ARHGAP26: variants seen among roughly 807,000 people sequenced by gnomAD.
ARHGAP26 encodes rho GTPase-activating protein 26.
In ARHGAP26, 38 loss-of-function variants were observed where a neutral mutation model predicts 104.8. The observed-to-expected ratio is 0.36, with a 90% CI of 0.28 to 0.48. ARHGAP26 has a LOEUF of 0.48. Ranked by LOEUF, ARHGAP26 falls within the 20% of genes least tolerant of loss-of-function variation. The pLI is 0.99. For missense variants in ARHGAP26, 704 were observed against 947.9 expected (o/e 0.74, Z 3.38); for synonymous variants, 341 against 340.0 (o/e 1.00, Z -0.03).
chr5:142,980,225 C>T (rs1038598859), intron 11 of ARHGAP26, among the ~76,000 whole-genome samples: 5 of 152,168 alleles, frequency 3.3e-5, no homozygotes, highest in African/African-American at 1.2e-4. Context: ...TTCCATGTAG[C>T]AGTAGTTTGT....
chr5:143,021,845 G>A (rs1780381397), intron 12 of ARHGAP26, among the ~76,000 whole-genome samples: 1 of 152,170 alleles, frequency 6.6e-6, no homozygotes, highest in Admixed American at 6.5e-5. Context: ...TGGTAACACT[G>A]CTCTTGAAGG....
chr5:142,797,155 C>T (rs950967816), intron 1 of ARHGAP26, among the ~76,000 whole-genome samples: 1 of 152,114 alleles, frequency 6.6e-6, no homozygotes, highest in Non-Finnish European at 1.5e-5. Context: ...CTAAATAGCC[C>T]GGATATACCT....
rs190565752 is a variant in ARHGAP26 at position 143,012,294 on chromosome 5, C to T, written c.1108-1786C>T. Among the ~76,000 whole-genome samples the T allele has an allele frequency of 2.1e-3, 316 of 151,108 alleles. 1 individual carries two copies. Among genetic ancestry groups the T allele is most frequent in the African/African-American group, 6.4e-3 (263 of 41,178 alleles). On this transcript the variant is annotated intron_variant, in intron 11 of 22. Transcript: ENST00000645722. The stretch of plus-strand genomic sequence containing the variant: ...TTGATAATTCAAAGACCTTCTTGGG[C>T]GACTCCTTCAGTTTATGGATGAGGC...
chr5:142,924,408 G>A (rs1205936621), intron 10 of ARHGAP26, among the ~76,000 whole-genome samples: 1 of 152,214 alleles, frequency 6.6e-6, no homozygotes, highest in African/African-American at 2.4e-5. Flanking sequence ...GCACTTACTA[G>A]TGGTGTGACA....
intron 19 of ARHGAP26, among the ~76,000 whole-genome samples, chr5:143,146,081 C>T (rs1799121939): frequency 6.6e-6 from 1 of 152,178 alleles, no homozygotes; most frequent in East Asian, 1.9e-4. Flanking sequence ...CAAAAAGGTC[C>T]AGGATTAGCC....
intron 1 of ARHGAP26, among the ~76,000 whole-genome samples, chr5:142,801,597 A>G (rs1206716984): frequency 6.6e-6 from 1 of 151,940 alleles, no homozygotes; most frequent in Non-Finnish European, 1.5e-5. Context: ...GCTAAGGTGT[A>G]AGATTTAGTA....
At chr5:142,808,642 G>T (rs1763499270) in intron 1 of ARHGAP26, among the ~76,000 whole-genome samples, 2 of 152,068 alleles carry the variant, frequency 1.3e-5, no homozygotes, top group Admixed American at 1.3e-4. Flanking sequence ...TGTGGAGCAG[G>T]CTGGACATTG....
In ARHGAP26 at chr5:142,883,783, C is replaced by T. The variant is rs148962481; in HGVS notation, c.385-1515C>T. On this transcript the variant is annotated intron_variant, in intron 4 of 22. Transcript: ENST00000645722. Reference sequence around the variant, plus strand: ...CCTATCTACAGAATCTCTGTGACTGCGCCCTGTTTATTTCCTTTGTAGCAC... The same window carrying T: ...CCTATCTACAGAATCTCTGTGACTGTGCCCTGTTTATTTCCTTTGTAGCAC... Among the ~76,000 whole-genome samples the T allele has an allele frequency of 7.1e-4, 108 of 152,300 alleles. 2 individuals are homozygous for T. Among genetic ancestry groups the T allele is most frequent in the African/African-American group, 2.2e-3 (92 of 41,568 alleles).
At chr5:143,106,975 C>G (rs569974461) in intron 17 of ARHGAP26, among the ~76,000 whole-genome samples, 1 of 152,294 alleles carries the variant, frequency 6.6e-6, no homozygotes, top group South Asian at 2.1e-4. Flanking sequence ...TAAGTTGGTC[C>G]TCTTAGGTTT....
At chr5:142,963,188 A>ATATATACATATATATATATATATATG (rs1770645943) in intron 11 of ARHGAP26, among the ~76,000 whole-genome samples, 1 of 109,782 alleles carries the variant, frequency 9.1e-6, no homozygotes, top group African/African-American at 5.1e-5. Flanking sequence ...ATATATATAT[A>ATATATACATATATATATATATATATG]TATATATATA....
At chr5:143,013,341 T>A (rs1358072808) in intron 11 of ARHGAP26, among the ~76,000 whole-genome samples, 3 of 152,212 alleles carry the variant, frequency 2.0e-5, no homozygotes, top group Non-Finnish European at 2.9e-5. Flanking sequence ...GCATAAAATG[T>A]TAATGTCTGA....
At chr5:143,185,258 A>C (rs258775) in intron 20 of ARHGAP26, among the ~76,000 whole-genome samples, 24,717 of 152,172 alleles carry the variant, frequency 0.16, 2,340 homozygotes, top group East Asian at 0.41. Flanking sequence ...TACACAAAGA[A>C]AGGTTCTAAA....
Position 143,223,282 on chromosome 5 carries a change from C to G in ARHGAP26, c.*836C>G, listed in dbSNP as rs1201540688. ...TGAATGGTTTTCTAACAACTTGAAG[C>G]ACAGGATCAAGGAATTAGGGTGGTC... On this transcript the variant is annotated 3_prime_UTR_variant, in exon 23 of 23. Coordinates refer to ENST00000645722, the MANE Select transcript of ARHGAP26 (RefSeq NM_001135608.3). 1 of 232,866 alleles carries G rather than the reference C, an allele frequency of 4.3e-6. No homozygotes were observed. The highest frequency in any genetic ancestry group is 2.2e-5 in the African/African-American group (1 of 45,282). 14.4% of individuals were successfully genotyped at this position (232,866 alleles called of 1,614,324 possible). A position where few individuals can be genotyped will look rare whatever the true frequency, so the allele number is the denominator to read the frequency against.
At chr5:143,029,570 A>C (rs1020809125) in intron 12 of ARHGAP26, among the ~76,000 whole-genome samples, 2 of 146,544 alleles carry the variant, frequency 1.4e-5, no homozygotes, top group East Asian at 1.9e-4. Flanking sequence ...ATGCCCAGCA[A>C]ATTTTTTTTT....
intron 20 of ARHGAP26, chr5:143,168,851 A>G (rs1318924004): frequency 3.3e-5 from 5 of 151,704 alleles, no homozygotes; most frequent in Admixed American, 6.5e-5. Context: ...ATGCCTGCTT[A>G]TTTTTACTCC....
At chr5:143,046,570 T>C (rs1178856176) in intron 14 of ARHGAP26, among the ~76,000 whole-genome samples, 1 of 152,222 alleles carries the variant, frequency 6.6e-6, no homozygotes, top group Non-Finnish European at 1.5e-5. Context: ...AAGTCATTAG[T>C]CTTTAGAGAG....
At chr5:143,034,502 G>T (rs116319276) in intron 12 of ARHGAP26, among the ~76,000 whole-genome samples, 1 of 152,262 alleles carries the variant, frequency 6.6e-6, no homozygotes, top group East Asian at 1.9e-4. Flanking sequence ...ATAAAAGACC[G>T]CATCGTGTAT....
intron 1 of ARHGAP26, among the ~76,000 whole-genome samples, chr5:142,840,855 C>T (rs35120620): frequency 0.048 from 7,375 of 152,226 alleles, 253 homozygotes; most frequent in East Asian, 0.13. Context: ...TCTTGCCTTC[C>T]TCCTCCAAAG....
chr5:143,171,120 A>G (rs1484237584), intron 20 of ARHGAP26, among the ~76,000 whole-genome samples: 1 of 152,222 alleles, frequency 6.6e-6, no homozygotes, highest in Non-Finnish European at 1.5e-5. Context: ...AGGAAAAAGA[A>G]TGGGAGGAAT....
Sources: allele counts gnomAD v4.1 joint callset (sites outside exome capture counted in the v4.1 genomes callset), GRCh38; gene constraint gnomAD v4.1.1; transcripts MANE v1.5; gene names NCBI Gene and HGNC (gene_info 2026-07-23, HGNC 2026-07-21).